DNM1L: variants seen among roughly 807,000 people sequenced by gnomAD.
The protein encoded by DNM1L is dynamin-1-like protein.
In DNM1L, 33 loss-of-function variants were observed where a neutral mutation model predicts 92.8. The ratio of observed to expected loss-of-function variants is 0.36; its 90% CI spans 0.27 to 0.48. DNM1L has a LOEUF of 0.48. Among genes scored for constraint, DNM1L ranks in the 20% least tolerant of loss-of-function variants. DNM1L has a pLI of 0.99. For missense variants in DNM1L, 485 were observed against 888.8 expected, an observed-to-expected ratio of 0.55 and a Z score of 5.78; for synonymous variants, 284 against 305.0, an observed-to-expected ratio of 0.93 and a Z score of 0.72.
At chr12:32,730,039 A>G (rs1297124326) in intron 9 of DNM1L, among the ~76,000 whole-genome samples, 1 of 152,212 alleles carries the variant, frequency 6.6e-6, no homozygotes, top group African/African-American at 2.4e-5. Flanking sequence ...AAGATAGGAA[A>G]CATAAGGTGC....
chr12:32,733,694 C>T (rs1219385451), intron 12 of DNM1L, 21 bp from the exon 13 acceptor site: 2 of 1,600,396 alleles, frequency 1.2e-6, no homozygotes, highest in Admixed American at 3.3e-5. Context: ...TTGTATATCG[C>T]CTAACTTACT....
intron 18 of DNM1L, 123 bp downstream of exon 18, chr12:32,740,641 C>G (rs1042303397): frequency 4.2e-5 from 37 of 882,246 alleles, no homozygotes; most frequent in African/African-American, 1.0e-4. Context: ...AGTGGATTTT[C>G]TGATAGTCCT....
intron 1 of DNM1L, among the ~76,000 whole-genome samples, chr12:32,685,593 C>T (rs1951978766): frequency 6.6e-6 from 1 of 151,836 alleles, no homozygotes; most frequent in Non-Finnish European, 1.5e-5. Flanking sequence ...GAACTCCTGA[C>T]CTCAAATGAT....
chr12:32,697,463 A>T (rs896026990), intron 1 of DNM1L, among the ~76,000 whole-genome samples: 2 of 152,316 alleles, frequency 1.3e-5, no homozygotes, highest in Middle Eastern at 3.4e-3. Flanking sequence ...CAAAACATTT[A>T]AAAAACTACT....
At chr12:32,732,839 G>A (rs983963371) in intron 12 of DNM1L, among the ~76,000 whole-genome samples, 8 of 152,174 alleles carry the variant, frequency 5.3e-5, no homozygotes, top group African/African-American at 1.9e-4. Context: ...GCTCACACCT[G>A]TAATCCCAAC....
chr12:32,724,605 T>A (rs1225865254), intron 9 of DNM1L, among the ~76,000 whole-genome samples: 2 of 140,408 alleles, frequency 1.4e-5, no homozygotes, highest in Admixed American at 7.3e-5. Context: ...TATATATATA[T>A]ATATATATAT....
At chr12:32,721,496 AT>A (rs757024724) in intron 8 of DNM1L, among the ~76,000 whole-genome samples, 1 of 151,824 alleles carries the variant, frequency 6.6e-6, no homozygotes, top group African/African-American at 2.4e-5. Flanking sequence ...AATAATTTGC[AT>A]TTTTTCCTTG....
chr12:32,697,540 A>G (rs759454600), intron 1 of DNM1L, among the ~76,000 whole-genome samples: 3 of 152,254 alleles, frequency 2.0e-5, no homozygotes, highest in Admixed American at 6.5e-5. Context: ...GTAACATGAA[A>G]TAAAAAGCAA....
intron 1 of DNM1L, among the ~76,000 whole-genome samples, chr12:32,691,428 G>A (rs943186527): frequency 3.3e-5 from 5 of 152,020 alleles, no homozygotes; most frequent in Admixed American, 3.3e-4. Flanking sequence ...TAGTAGAGAC[G>A]GGGTTGGGTT....
chr12:32,720,940 G>C, intron 8 of DNM1L, 145 bp downstream of exon 8: 1 of 992,958 alleles, frequency 1.0e-6, no homozygotes, highest in South Asian at 1.5e-5. Context: ...CTGAAGAGTA[G>C]ATGTCTCTGT....
In DNM1L at chr12:32,718,781, G is replaced by A; in HGVS notation, c.740+18G>A. ...GTTAACAGGTTAGCAGTTAGAATGG[G>A]ATAAGAATTGGGATAAGCATTCTTA... is the stretch of plus-strand genomic sequence containing the variant. On this transcript the variant is annotated intron_variant, in intron 7 of 19. Coordinates refer to ENST00000549701, the MANE Select transcript of DNM1L (RefSeq NM_012062.5). 6.2e-7 allele frequency: 1 copy of A among 1,612,864 alleles called. No homozygotes were observed. The highest frequency in any genetic ancestry group is 8.5e-7 in the Non-Finnish European group (1 of 1,179,266).
In DNM1L at chr12:32,713,326, G is replaced by C; in HGVS notation, c.574G>C (p.Ala192Pro). 6.2e-7 allele frequency: 1 copy of C among 1,613,846 alleles called. No individual in the cohort carries two copies. Among genetic ancestry groups the C allele is most frequent in the South Asian group, 1.1e-5 (1 of 91,070 alleles). The change falls in exon 6 of 20, where the codon GCA (alanine) becomes CCA (proline). Residue 192 changes from alanine to proline, a missense_variant. Transcript: ENST00000549701. ...LAVTAANTDM[A>P]TSEALKISRE... ...TGTCACTGCTGCTAATACAGATATG[G>C]CAACATCAGAGGCACTTAAAATTTC...
At chr12:32,740,316 T>TA in intron 17 of DNM1L, 76 bp downstream of exon 17, 1 of 1,611,366 alleles carries the variant, frequency 6.2e-7, no homozygotes, top group Non-Finnish European at 8.5e-7. Context: ...CAGAAAGAAC[T>TA]AAAAGTCTCA....
At chr12:32,698,111 C>G (rs1361119470) in intron 1 of DNM1L, among the ~76,000 whole-genome samples, 1 of 152,050 alleles carries the variant, frequency 6.6e-6, no homozygotes, top group East Asian at 1.9e-4. Flanking sequence ...CCCTGTTTTA[C>G]TTAATGAGAG....
chr12:32,695,280 G>A (rs1253227667), intron 1 of DNM1L, among the ~76,000 whole-genome samples: 1 of 152,108 alleles, frequency 6.6e-6, no homozygotes, highest in Non-Finnish European at 1.5e-5. Flanking sequence ...CAAATGTCAT[G>A]CAAATTTTTG....
At chr12:32,735,261 ATCATG>A (rs916005281) in intron 13 of DNM1L, among the ~76,000 whole-genome samples, 2 of 152,168 alleles carry the variant, frequency 1.3e-5, no homozygotes, top group Non-Finnish European at 2.9e-5. Context: ...CTGAGGGCAG[ATCATG>A]TCATTAACAG....
At chr12:32,713,477 A>G in intron 6 of DNM1L, 106 bp downstream of exon 6, 1 of 1,224,224 alleles carries the variant, frequency 8.2e-7, no homozygotes, top group Non-Finnish European at 1.2e-6. Context: ...TTTTGAATAC[A>G]AATTTAAAAG....
intron 9 of DNM1L, chr12:32,722,866 GTATT>G (rs1045318467): frequency 4.2e-4 from 74 of 176,462 alleles, no homozygotes; most frequent in Non-Finnish European, 7.2e-4. Context: ...TATTTTATAA[GTATT>G]TACTTATTTT....
At chr12:32,695,173 T>C (rs1264193420) in intron 1 of DNM1L, among the ~76,000 whole-genome samples, 2 of 152,172 alleles carry the variant, frequency 1.3e-5, no homozygotes, top group African/African-American at 2.4e-5. Context: ...TTGAATACTA[T>C]ATGAAAACAA....
Sources: gnomAD v4.1 joint callset for allele counts (sites outside exome capture counted in the v4.1 genomes callset) on GRCh38, gnomAD v4.1.1 for gene constraint, MANE v1.5 for transcripts, NCBI Gene and HGNC (gene_info 2026-07-23, HGNC 2026-07-21) for gene names.